PPP4C: variants seen among roughly 807,000 people sequenced by gnomAD.
PPP4C encodes serine/threonine-protein phosphatase 4 catalytic subunit.
In PPP4C, 10 loss-of-function variants were observed where a neutral mutation model predicts 40.5. The observed-to-expected ratio is 0.25, with a 90% CI of 0.15 to 0.42. The LOEUF is 0.42. PPP4C is among the 10% of genes least tolerant of loss of function. PPP4C has a pLI of 1.00. For synonymous variants in PPP4C, 187 were observed against 163.6 expected (o/e 1.14, Z -1.09); for missense variants, 191 against 416.4 (o/e 0.46, Z 4.71).
intron 2 of PPP4C, among the ~76,000 whole-genome samples, chr16:30,080,169 A>C (rs1021490276): frequency 1.3e-5 from 2 of 151,842 alleles, no homozygotes; most frequent in East Asian, 3.9e-4. Context: ...ACATAGTGAA[A>C]TCTCGACTCT....
Position 30,082,531 on chromosome 16 carries a change from C to G in PPP4C, c.198C>G (p.Phe66Leu). Residue 66 changes from phenylalanine to leucine, a missense_variant, in exon 4 of 9, where the codon TTC becomes TTG. Phe to Leu is a conservative substitution (Grantham distance 22). Transcript: ENST00000279387. ...HGQFYDLKEL[F>L]RVGGDVPETN... Reference sequence around the variant, plus strand: ...AATTCTATGACCTCAAAGAGCTGTTCAGAGTAAGAGTGTGGCCAACACTGT... The same window carrying G: ...AATTCTATGACCTCAAAGAGCTGTTGAGAGTAAGAGTGTGGCCAACACTGT... The G allele has an allele frequency of 6.2e-7, 1 of 1,612,966 alleles. No homozygotes were observed. Among genetic ancestry groups the G allele is most frequent in the Non-Finnish European group, 8.5e-7 (1 of 1,178,998 alleles).
Position 30,081,255 on chromosome 16 carries a change from C to T in PPP4C, c.99-4C>T. On this transcript the variant is annotated splice_region_variant and splice_polypyrimidine_tract_variant and intron_variant, in intron 2 of 8. Coordinates refer to ENST00000279387, the MANE Select transcript of PPP4C (RefSeq NM_002720.3). ...TGGTGACCCTGGTCTTCTCCTGTCTCCAGAGAGATCTTGGTAGAGGAGAGC... is the reference window on the plus strand; with the variant it reads ...TGGTGACCCTGGTCTTCTCCTGTCTTCAGAGAGATCTTGGTAGAGGAGAGC... 6.2e-7 allele frequency: 1 copy of T among 1,613,692 alleles called. No homozygotes were observed. The highest frequency in any genetic ancestry group is 8.5e-7 in the Non-Finnish European group (1 of 1,179,836).
rs1263681129 is a variant in PPP4C, at chr16:30,085,223, G to A, written c.*161G>A. The A allele has an allele frequency of 2.7e-6, 2 of 747,472 alleles. No homozygotes were observed. The highest frequency in any genetic ancestry group is 5.3e-5 in the East Asian group (2 of 37,512). The allele number at this position is 747,472 out of a possible 1,614,324, so 46.3% of individuals were successfully genotyped here. On this transcript the variant is annotated 3_prime_UTR_variant, in exon 9 of 9. Coordinates refer to ENST00000279387, the MANE Select transcript of PPP4C (RefSeq NM_002720.3). ...GAGGACTTCTCTGGAGAGGCCTGGA[G>A]ACCTAGCTCCATGTTCCTCCTCCTC...
At chr16:30,082,053 TAA>T (rs760700971) in intron 3 of PPP4C, among the ~76,000 whole-genome samples, 12 of 120,484 alleles carry the variant, frequency 1.0e-4, no homozygotes, top group Admixed American at 2.5e-4. Context: ...AGACTCCGTC[TAA>T]AAAAAAAAAA....
chr16:30,085,154 G>A lies in PPP4C; in HGVS notation c.*92G>A, dbSNP rs570168755. On this transcript the variant is annotated 3_prime_UTR_variant, in exon 9 of 9. Transcript: ENST00000279387. ...TCAGACGGAGGCTGGGCGTGGGGGG[G>A]GCTGTCCTGGCTCTGCTGTCCCCCA... is the stretch of plus-strand genomic sequence containing the variant. 6 of 1,494,344 alleles carry A rather than the reference G, an allele frequency of 4.0e-6. No individual in the cohort carries two copies. In the East Asian group the frequency reaches 6.8e-5, roughly 17 times the overall value. 92.6% of individuals were successfully genotyped at this position (1,494,344 alleles called of 1,614,324 possible).
chr16:30,078,644 C>A (rs2072448398), intron 2 of PPP4C, among the ~76,000 whole-genome samples: 1 of 152,202 alleles, frequency 6.6e-6, no homozygotes, highest in Non-Finnish European at 1.5e-5. Flanking sequence ...GCCTAGAGGG[C>A]ACAGACATGC....
At chr16:30,080,634 G>A (rs139869971) in intron 2 of PPP4C, among the ~76,000 whole-genome samples, 1,746 of 151,450 alleles carry the variant, frequency 0.012, 29 homozygotes, top group African/African-American at 0.04. Context: ...AGCCTCCCAA[G>A]TAGCTGGGAT....
Position 30,076,485 on chromosome 16 carries a change from T to C in PPP4C, c.98+10T>C, listed in dbSNP as rs1220505477. On this transcript the variant is annotated intron_variant, in intron 2 of 8. Coordinates refer to ENST00000279387, the MANE Select transcript of PPP4C (RefSeq NM_002720.3). ...TGTGCGCTAAGGCCAGGTGAGCTCG[T>C]TGGCCCTGGGGAAGGGAGGCCAAGC... 1.2e-6 allele frequency: 2 copies of C among 1,603,766 alleles called. No individual in the cohort carries two copies. The highest frequency in any genetic ancestry group is 1.7e-6 in the Non-Finnish European group (2 of 1,175,172).
Position 30,085,190 on chromosome 16 carries a change from T to C in PPP4C, c.*128T>C. On this transcript the variant is annotated 3_prime_UTR_variant, in exon 9 of 9. Coordinates refer to ENST00000279387, the MANE Select transcript of PPP4C (RefSeq NM_002720.3). Reference sequence around the variant, plus strand: ...CTCTGCTGTCCCCCAAGAGGGTGCTTCGAGGGTGAGGACTTCTCTGGAGAG... The same window carrying C: ...CTCTGCTGTCCCCCAAGAGGGTGCTCCGAGGGTGAGGACTTCTCTGGAGAG... The C allele has an allele frequency of 1.1e-5, 14 of 1,264,386 alleles. No individual in the cohort carries two copies. Among genetic ancestry groups the C allele is most frequent in the Non-Finnish European group, 1.4e-5 (13 of 908,794 alleles). The allele number at this position is 1,264,386 out of a possible 1,614,324, so 78.3% of individuals were successfully genotyped here. A position where few individuals can be genotyped will look rare whatever the true frequency, so the allele number is the denominator to read the frequency against.
chr16:30,083,718 G>A lies in PPP4C; in HGVS notation c.541G>A (p.Asp181Asn). ...GACCCTGGATCAGATTCGGACAATC[G>A]ACCGAAAGCAAGAGGTGCCTCATGA... The part of the protein sequence containing the change: ...IQTLDQIRTI[D>N]RKQEVPHDGP... Residue 181 changes from aspartate to asparagine, a missense_variant, in exon 7 of 9, where the codon GAC becomes AAC. Physicochemically the swap from Asp to Asn is conservative, Grantham distance 23 (BLOSUM62 1). Transcript: ENST00000279387. This position sits in a 1 kb window ranked among gnomAD's most constrained non-coding sequence, Gnocchi z 6.3. 6.2e-7 allele frequency: 1 copy of A among 1,614,136 alleles called. No homozygotes were observed. The highest frequency in any genetic ancestry group is 8.5e-7 in the Non-Finnish European group (1 of 1,180,020).
rs1002172854 is a variant in PPP4C, at chr16:30,084,863, G to A, written c.794+8G>A. 8.7e-6 allele frequency: 14 copies of A among 1,613,844 alleles called. No individual in the cohort carries two copies. Among genetic ancestry groups the A allele is most frequent in the Admixed American group, 3.3e-5 (2 of 60,006 alleles). On this transcript the variant is annotated splice_region_variant and intron_variant, in intron 8 of 8. Coordinates refer to ENST00000279387, the MANE Select transcript of PPP4C (RefSeq NM_002720.3). ...ACCCAACTACTGCTACCGGTGAGCC[G>A]GCTGGGCCGGGCTGGGATGGGCGGG...
In PPP4C at chr16:30,085,056, C is replaced by T. The variant is rs374275053; in HGVS notation, c.918C>T (p.Phe306=). ...CCAAGAAGCCCGTGGCCGACTACTT[C>T]CTGTGACCCCGCCCGGCCCCTGCCC... The part of the protein sequence containing the change: ...IPSKKPVADY[F]L The change falls in exon 9 of 9, where the codon TTC becomes TTT. Residue 306 remains phenylalanine, a synonymous_variant. Transcript: ENST00000279387. 241 of 1,613,836 alleles carry T rather than the reference C, an allele frequency of 1.5e-4. 1 individual carries two copies. The highest frequency in any genetic ancestry group is 1.0e-3 in the Middle Eastern group (6 of 5,844).
Position 30,077,914 on chromosome 16 carries a change from G to C in PPP4C, c.98+1439G>C, listed in dbSNP as rs1351456653. On this transcript the variant is annotated intron_variant, in intron 2 of 8. Transcript: ENST00000279387. Reference sequence around the variant, plus strand: ...GCCTCACATAGACTACCTGCAGCCAGACAGGGCCTGTGAGGGGATGATGAG... The same window carrying C: ...GCCTCACATAGACTACCTGCAGCCACACAGGGCCTGTGAGGGGATGATGAG... Among the ~76,000 whole-genome samples, 3 of 152,218 alleles carry C rather than the reference G, an allele frequency of 2.0e-5. No homozygotes were observed. The East Asian group carries it at 5.8e-4, about 29-fold the overall frequency.
chr16:30,083,590 G>GGGAC lies in PPP4C; in HGVS notation c.477+24_477+27dup, dbSNP rs2151028395. ...AAGGTAAGCCAGCCCAGGGCTCCATGGGACAGGGAGAGGAGGGGGGCTTCA... is the reference window on the plus strand; with the variant it reads ...AAGGTAAGCCAGCCCAGGGCTCCATGGGACGGACAGGGAGAGGAGGGGGGCTTCA... On this transcript the variant is annotated intron_variant, in intron 6 of 8. Transcript: ENST00000279387. This position sits in a 1 kb window ranked among gnomAD's most constrained non-coding sequence, Gnocchi z 6.3. 1.9e-6 allele frequency: 3 copies of GGGAC among 1,613,754 alleles called. No homozygotes were observed. The highest frequency in any genetic ancestry group is 1.7e-6 in the Non-Finnish European group (2 of 1,179,746).
chr16:30,083,498 G>A lies in PPP4C; in HGVS notation c.408G>A (p.Ser136=), dbSNP rs770000249. 4.3e-6 allele frequency: 7 copies of A among 1,613,592 alleles called. No individual in the cohort carries two copies. Among genetic ancestry groups the A allele is most frequent in the South Asian group, 1.1e-5 (1 of 91,072 alleles). The change falls in exon 6 of 9, where the codon TCG becomes TCA. Residue 136 remains serine (S), a synonymous_variant. Transcript: ENST00000279387. The surrounding 1 kb of genome is among the most constrained non-coding windows in gnomAD (Gnocchi z 6.3). ...ATGAGTGCCTGCGCAAGTACGGCTC[G>A]GTGACTGTGTGGCGCTACTGCACTG... is the stretch of plus-strand genomic sequence containing the variant. ...FYDECLRKYG[S]VTVWRYCTEI... is the part of the protein sequence containing the mutation.
chr16:30,082,734 A>G lies in PPP4C; in HGVS notation c.202-12A>G, dbSNP rs746542148. 3.1e-6 allele frequency: 5 copies of G among 1,611,120 alleles called. No individual in the cohort carries two copies. The Admixed American group carries it at 5.0e-5, about 16-fold the overall frequency. Reference sequence around the variant, plus strand: ...TGTTTACGACAGGGCAAAACTTTCTACTTCCCCACAGGTAGGTGGCGACGT... The same window carrying G: ...TGTTTACGACAGGGCAAAACTTTCTGCTTCCCCACAGGTAGGTGGCGACGT... On this transcript the variant is annotated splice_polypyrimidine_tract_variant and intron_variant, in intron 4 of 8. Coordinates refer to ENST00000279387, the MANE Select transcript of PPP4C (RefSeq NM_002720.3).
chr16:30,076,124 G>T (rs956697012), intron 1 of PPP4C, 30 bp downstream of exon 1: 19 of 554,886 alleles, frequency 3.4e-5, no homozygotes, highest in Non-Finnish European at 5.2e-5. Flanking sequence ...CTAAGTCACC[G>T]TCCTTAGCGC....
In PPP4C at chr16:30,085,237, TTCC is replaced by T. The variant is rs1439530013; in HGVS notation, c.*184_*186del. On this transcript the variant is annotated 3_prime_UTR_variant, in exon 9 of 9. Transcript: ENST00000279387. ...AGAGGCCTGGAGACCTAGCTCCATG[TTCC>T]TCCTCCTCTCTCCCCACTTGAACCA... 4 of 603,922 alleles carry T rather than the reference TTCC, an allele frequency of 6.6e-6. No homozygotes were observed. Among genetic ancestry groups the T allele is most frequent in the African/African-American group, 3.7e-5 (2 of 54,536 alleles). 37.4% of individuals were successfully genotyped at this position (603,922 alleles called of 1,614,324 possible).
intron 2 of PPP4C, among the ~76,000 whole-genome samples, chr16:30,077,968 C>T (rs1169152605): frequency 1.3e-5 from 2 of 152,228 alleles, no homozygotes; most frequent in African/African-American, 4.8e-5. Flanking sequence ...CGCCACCTGT[C>T]TGTGGCTTTT....
Sources: allele counts gnomAD v4.1 joint callset (sites outside exome capture counted in the v4.1 genomes callset), GRCh38; gene constraint gnomAD v4.1.1; non-coding constraint Gnocchi (gnomAD v3.1); transcripts MANE v1.5; gene names NCBI Gene and HGNC (gene_info 2026-07-23, HGNC 2026-07-21).